RBFOX1: variants seen among roughly 807,000 people sequenced by gnomAD.
RBFOX1 encodes the protein RNA binding fox-1 homolog 1, also known as RNA binding protein fox-1 homolog 1.
In RBFOX1, 8 loss-of-function variants were observed where a neutral mutation model predicts 57.7. That is an observed-to-expected ratio of 0.14 (90% CI 0.08 to 0.25). The LOEUF is 0.25. Ranked by LOEUF, RBFOX1 falls within the 10% of genes least tolerant of loss-of-function variation. The pLI, the probability that RBFOX1 is intolerant of heterozygous loss-of-function variation, is 1.00. For missense variants in RBFOX1, 611 were observed against 548.5 expected (o/e 1.11, Z -1.14); for synonymous variants, 326 against 222.4 (o/e 1.47, Z -4.15).
chr16:7,393,677 C>G (rs1413249816), intron 4 of RBFOX1, among the ~76,000 whole-genome samples: 1 of 152,028 alleles, frequency 6.6e-6, no homozygotes, highest in Non-Finnish European at 1.5e-5. Flanking sequence ...ATTCATTGTG[C>G]CAAGGATTAT....
At chr16:7,547,728 C>G (rs2084999598) in intron 5 of RBFOX1, among the ~76,000 whole-genome samples, 1 of 152,204 alleles carries the variant, frequency 6.6e-6, no homozygotes, top group Non-Finnish European at 1.5e-5. Context: ...CACCTTGCTC[C>G]TACCATTTTA....
At chr16:6,626,139 GTT>G (rs112941400) in intron 2 of RBFOX1, among the ~76,000 whole-genome samples, 16 of 137,212 alleles carry the variant, frequency 1.2e-4, no homozygotes, top group African/African-American at 3.5e-4. Context: ...AATTCTGCAG[GTT>G]TTTTTTTTTT....
chr16:6,722,950 C>G (rs1039621312), intron 3 of RBFOX1, among the ~76,000 whole-genome samples: 6 of 152,134 alleles, frequency 3.9e-5, no homozygotes, highest in African/African-American at 1.4e-4. Flanking sequence ...TGCTTCTAGG[C>G]AAGTCAGGAG....
chr16:5,630,908 G>A (rs2048486701), intron 3 of RBFOX1, among the ~76,000 whole-genome samples: 1 of 152,078 alleles, frequency 6.6e-6, no homozygotes, highest in South Asian at 2.1e-4. Context: ...TTTTTTAGTT[G>A]GTTTCTGATG....
At chr16:6,833,294 T>TA (rs1290428039) in intron 3 of RBFOX1, among the ~76,000 whole-genome samples, 5 of 152,064 alleles carry the variant, frequency 3.3e-5, no homozygotes, top group Non-Finnish European at 7.4e-5. Context: ...GCCTCCTGAG[T>TA]ACCTGCGACT....
chr16:7,078,626 G>A (rs2058667724), intron 4 of RBFOX1, among the ~76,000 whole-genome samples: 2 of 151,498 alleles, frequency 1.3e-5, no homozygotes, highest in South Asian at 4.2e-4. Context: ...GAGATTACAG[G>A]CATGAGCCAC....
chr16:7,520,314 A>G (rs1045507919), intron 5 of RBFOX1, among the ~76,000 whole-genome samples: 11 of 152,200 alleles, frequency 7.2e-5, no homozygotes, highest in African/African-American at 2.7e-4. Context: ...TACACATTTC[A>G]ATAGCATTCA....
At chr16:5,713,722 G>A (rs2051579551) in intron 3 of RBFOX1, among the ~76,000 whole-genome samples, 1 of 152,152 alleles carries the variant, frequency 6.6e-6, no homozygotes, top group Non-Finnish European at 1.5e-5. Context: ...CGCACAAAGT[G>A]CCCACAGCAT....
chr16:7,703,951 T>C (rs1196978247), intron 14 of RBFOX1, among the ~76,000 whole-genome samples: 1 of 152,208 alleles, frequency 6.6e-6, no homozygotes, highest in East Asian at 1.9e-4. Context: ...GAGAGATTGG[T>C]TTGTGAAATA....
At position 6,871,911 on chromosome 16, in the gene RBFOX1, CTGTGTGTGTGTGTGTGTGTGTG is replaced by C. The variant is rs57684251; in HGVS notation, c.-15-180116_-15-180095del. ...AGGCTCTTTGAGAGAGGGAGAGAGT[CTGTGTGTGTGTGTGTGTGTGTG>C]TGTGTGTGTGTGTGTGTGTGTGTGT... On this transcript the variant is annotated intron_variant, in intron 3 of 15. Transcript: ENST00000550418. 4.6e-4 allele frequency among the ~76,000 whole-genome samples: 60 copies of C among 129,668 alleles called. 1 individual carries two copies. The highest frequency in any genetic ancestry group is 1.5e-3 in the African/African-American group (49 of 32,308). 85.1% of individuals were successfully genotyped at this position (129,668 alleles called of 152,430 possible). A position where few individuals can be genotyped will look rare whatever the true frequency, so the allele number is the denominator to read the frequency against.
chr16:5,619,063 A>G (rs1208237830), intron 3 of RBFOX1, among the ~76,000 whole-genome samples: 3 of 152,210 alleles, frequency 2.0e-5, no homozygotes, highest in Non-Finnish European at 4.4e-5. Context: ...TGTCTAGTCT[A>G]TTCACAGTCA....
chr16:5,367,697 C>T (rs1356379288), intron 1 of RBFOX1, among the ~76,000 whole-genome samples: 1 of 152,176 alleles, frequency 6.6e-6, no homozygotes, highest in Non-Finnish European at 1.5e-5. Flanking sequence ...TTCACTTAAT[C>T]TTCATAACTG....
At chr16:7,026,911 A>G (rs1320234531) in intron 3 of RBFOX1, among the ~76,000 whole-genome samples, 2 of 152,182 alleles carry the variant, frequency 1.3e-5, no homozygotes, top group East Asian at 3.9e-4. Context: ...CCCGTAGGGT[A>G]ATACCGGAGC....
intron 1 of RBFOX1, among the ~76,000 whole-genome samples, chr16:6,138,763 A>C (rs2152694512): frequency 6.6e-6 from 1 of 152,254 alleles, no homozygotes; most frequent in Admixed American, 6.5e-5. Context: ...GGTACTTGGG[A>C]GGCTGAGGCA....
At chr16:6,110,842 C>G (rs937605365) in intron 1 of RBFOX1, among the ~76,000 whole-genome samples, 6 of 152,132 alleles carry the variant, frequency 3.9e-5, no homozygotes, top group Non-Finnish European at 8.8e-5. Context: ...AGAGACGGTG[C>G]TAATAATTCT....
At chr16:6,635,697 A>C (rs570131140) in intron 2 of RBFOX1, among the ~76,000 whole-genome samples, 6 of 152,292 alleles carry the variant, frequency 3.9e-5, no homozygotes, top group East Asian at 1.9e-4. Context: ...TTGTGAATTC[A>C]AAATTATTTT....
At chr16:5,737,160 T>C (rs1192836422) in intron 3 of RBFOX1, among the ~76,000 whole-genome samples, 1 of 152,004 alleles carries the variant, frequency 6.6e-6, no homozygotes, top group Non-Finnish European at 1.5e-5. Context: ...ATCAGTGTCA[T>C]TATGTGAGGT....
intron 3 of RBFOX1, among the ~76,000 whole-genome samples, chr16:5,704,767 A>C (rs936843042): frequency 6.6e-6 from 1 of 152,124 alleles, no homozygotes; most frequent in Non-Finnish European, 1.5e-5. Context: ...CCGGGTTACT[A>C]TGTGTGCTCT....
At chr16:6,958,510 C>G (rs1452834042) in intron 3 of RBFOX1, among the ~76,000 whole-genome samples, 3 of 152,088 alleles carry the variant, frequency 2.0e-5, no homozygotes, top group Non-Finnish European at 4.4e-5. Flanking sequence ...GGTCTGTTGA[C>G]TTATTCAATA....
Sources: gnomAD v4.1 joint callset for allele counts (sites outside exome capture counted in the v4.1 genomes callset) on GRCh38, gnomAD v4.1.1 for gene constraint, MANE v1.5 for transcripts, NCBI Gene and HGNC (gene_info 2026-07-23, HGNC 2026-07-21) for gene names.